ADAMTS3: variants seen among roughly 807,000 people sequenced by gnomAD.
ADAMTS3 encodes the protein A disintegrin and metalloproteinase with thrombospondin motifs 3.
Under a neutral mutation model 129.0 loss-of-function variants are expected in ADAMTS3, and 73 were observed. The ratio of observed to expected loss-of-function variants is 0.57; its 90% CI spans 0.47 to 0.69. The LOEUF is 0.69. Among genes scored for constraint, ADAMTS3 ranks in the 30% least tolerant of loss-of-function variants. The pLI is 0.00. For missense variants in ADAMTS3, 1,457 were observed against 1,514.5 expected (o/e 0.96, Z 0.63); for synonymous variants, 477 against 510.8 (o/e 0.93, Z 0.89).
At chr4:72,366,892 TTTTC>T (rs1450101189) in intron 4 of ADAMTS3, among the ~76,000 whole-genome samples, 2 of 152,054 alleles carry the variant, frequency 1.3e-5, no homozygotes, top group Non-Finnish European at 2.9e-5. Context: ...TGGTTCTTTC[TTTTC>T]TTTCTCTTTC....
At chr4:72,411,352 G>C (rs1456773872) in intron 4 of ADAMTS3, among the ~76,000 whole-genome samples, 1 of 152,106 alleles carries the variant, frequency 6.6e-6, no homozygotes, top group South Asian at 2.1e-4. Flanking sequence ...TAGGGCTCCA[G>C]AGTGTGGGAG....
chr4:72,490,135 T>C (rs1040363838), intron 3 of ADAMTS3, among the ~76,000 whole-genome samples: 7 of 151,986 alleles, frequency 4.6e-5, no homozygotes, highest in Non-Finnish European at 8.8e-5. Flanking sequence ...CTTTTTCATA[T>C]ACCTATTGGC....
At chr4:72,470,378 C>CATATAT (rs1560528167) in intron 3 of ADAMTS3, among the ~76,000 whole-genome samples, 1 of 122,008 alleles carries the variant, frequency 8.2e-6, no homozygotes, top group African/African-American at 3.3e-5. Flanking sequence ...TATATATATA[C>CATATAT]ACACACACAC....
At chr4:72,563,967 A>T (rs1721965045) in intron 2 of ADAMTS3, among the ~76,000 whole-genome samples, 1 of 152,226 alleles carries the variant, frequency 6.6e-6, no homozygotes, top group Non-Finnish European at 1.5e-5. Context: ...GACTCACACT[A>T]AACCTTACAA....
chr4:72,432,517 G>A (rs569743963), intron 3 of ADAMTS3, among the ~76,000 whole-genome samples: 2 of 151,886 alleles, frequency 1.3e-5, no homozygotes, highest in Admixed American at 6.6e-5. Flanking sequence ...TTCTGTAAAC[G>A]GTCCCTTCAT....
At chr4:72,285,380 T>A (rs1477358972) in intron 21 of ADAMTS3, among the ~76,000 whole-genome samples, 2 of 152,066 alleles carry the variant, frequency 1.3e-5, no homozygotes, top group Non-Finnish European at 2.9e-5. Context: ...TGTGTGAATT[T>A]TTTTTGAAAA....
chr4:72,323,211 T>C (rs1719606361), intron 5 of ADAMTS3, 114 bp from the exon 6 acceptor site: 1 of 767,426 alleles, frequency 1.3e-6, no homozygotes. Context: ...TGTTTTTAAA[T>C]TGAGTTTAAT....
intron 4 of ADAMTS3, among the ~76,000 whole-genome samples, chr4:72,413,373 T>C (rs1722226798): frequency 6.6e-6 from 1 of 152,026 alleles, no homozygotes; most frequent in South Asian, 2.1e-4. Flanking sequence ...ATTTAGATAT[T>C]AGTAATATGG....
chr4:72,508,516 T>G (rs1720224255), intron 3 of ADAMTS3, among the ~76,000 whole-genome samples: 1 of 151,976 alleles, frequency 6.6e-6, no homozygotes, highest in African/African-American at 2.4e-5. Flanking sequence ...CTTAATAAGT[T>G]TTTCCAAGAA....
chr4:72,462,496 C>A (rs1718798233), intron 3 of ADAMTS3, among the ~76,000 whole-genome samples: 1 of 151,892 alleles, frequency 6.6e-6, no homozygotes, highest in Admixed American at 6.6e-5. Context: ...CGGTCACACA[C>A]CACAAAATGA....
chr4:72,315,523 G>T (rs1366047488), intron 11 of ADAMTS3, among the ~76,000 whole-genome samples: 3 of 152,122 alleles, frequency 2.0e-5, no homozygotes, highest in Admixed American at 2.0e-4. Flanking sequence ...GATGCTGGGA[G>T]AAGCAAAGAA....
chr4:72,324,690 A>G (rs1719655825), intron 5 of ADAMTS3, among the ~76,000 whole-genome samples: 1 of 152,202 alleles, frequency 6.6e-6, no homozygotes, highest in Non-Finnish European at 1.5e-5. Flanking sequence ...GGATTGCATA[A>G]GTGTGCAGGC....
intron 21 of ADAMTS3, 27 bp downstream of exon 21, chr4:72,288,724 A>C: frequency 7.2e-7 from 1 of 1,389,902 alleles, no homozygotes; most frequent in South Asian, 1.2e-5. Flanking sequence ...ACATCAGAGC[A>C]GTGAAGTCAA....
chr4:72,320,936 C>G (rs897744716), intron 6 of ADAMTS3, 66 bp from the exon 7 acceptor site: 1 of 1,499,886 alleles, frequency 6.7e-7, no homozygotes, highest in South Asian at 1.3e-5. Flanking sequence ...TGATAATTTC[C>G]TCTGAAGCTG....
intron 4 of ADAMTS3, among the ~76,000 whole-genome samples, chr4:72,378,074 G>A (rs1254538591): frequency 2.6e-5 from 4 of 152,252 alleles, no homozygotes; most frequent in Non-Finnish European, 5.9e-5. Context: ...AGATAAAATT[G>A]AAATGCATAA....
intron 3 of ADAMTS3, among the ~76,000 whole-genome samples, chr4:72,453,069 G>C (rs1272345191): frequency 6.6e-6 from 1 of 151,742 alleles, no homozygotes; most frequent in Admixed American, 6.6e-5. Context: ...TACTATACTA[G>C]AAACCTGATT....
At chr4:72,543,900 T>A (rs553663103) in intron 3 of ADAMTS3, among the ~76,000 whole-genome samples, 33 of 152,152 alleles carry the variant, frequency 2.2e-4, no homozygotes, top group African/African-American at 7.5e-4. Flanking sequence ...CACAAAAAAA[T>A]ATTGGAAGAA....
intron 7 of ADAMTS3, among the ~76,000 whole-genome samples, chr4:72,320,224 A>T (rs1719517229): frequency 6.6e-6 from 1 of 152,176 alleles, no homozygotes; most frequent in Admixed American, 6.5e-5. Context: ...CCACCAGCTA[A>T]GCCCTGCCTT....
At chr4:72,539,072 T>A (rs529032406) in intron 3 of ADAMTS3, among the ~76,000 whole-genome samples, 198 of 151,966 alleles carry the variant, frequency 1.3e-3, no homozygotes, top group African/African-American at 4.5e-3. Flanking sequence ...TGTTAAAAAA[T>A]ATATATATAG....
Sources: gnomAD v4.1 joint callset for allele counts (sites outside exome capture counted in the v4.1 genomes callset) on GRCh38, gnomAD v4.1.1 for gene constraint, MANE v1.5 for transcripts, NCBI Gene and HGNC (gene_info 2026-07-23, HGNC 2026-07-21) for gene names.